LRRC49: variants seen among roughly 807,000 people sequenced by gnomAD.
LRRC49 encodes leucine rich repeat containing 49.
In LRRC49, 50 loss-of-function variants were observed where a neutral mutation model predicts 83.3. The ratio of observed to expected loss-of-function variants is 0.60; its 90% confidence interval spans 0.48 to 0.76. The LOEUF is 0.76. Among genes scored for constraint, LRRC49 ranks in the 30% least tolerant of loss-of-function variants. LRRC49 has a pLI of 0.00. For synonymous variants in LRRC49, 286 were observed against 283.3 expected (o/e 1.01, Z -0.10); for missense variants, 704 against 809.1 (o/e 0.87, Z 1.58).
intron 5 of LRRC49, among the ~76,000 whole-genome samples, chr15:70,910,724 T>C (rs1011808585): frequency 5.9e-5 from 9 of 152,218 alleles, no homozygotes; most frequent in African/African-American, 2.2e-4. Context: ...TTCATTTAGT[T>C]AGTATGTTCG....
chr15:71,034,436 G>A (rs562314889), intron 14 of LRRC49, among the ~76,000 whole-genome samples: 25 of 152,322 alleles, frequency 1.6e-4, no homozygotes, highest in African/African-American at 4.8e-4. Context: ...CTGTTAGTGG[G>A]AATGTAATTT....
chr15:70,876,460 T>C (rs547755970), intron 2 of LRRC49, among the ~76,000 whole-genome samples: 4 of 152,208 alleles, frequency 2.6e-5, no homozygotes, highest in Non-Finnish European at 4.4e-5. Context: ...GGGCTATGCA[T>C]GACATGCTTT....
At chr15:70,909,879 A>ACAC (rs765588937) in intron 5 of LRRC49, among the ~76,000 whole-genome samples, 8 of 76,940 alleles carry the variant, frequency 1.0e-4, no homozygotes, top group Non-Finnish European at 1.6e-4. Flanking sequence ...CACACACACA[A>ACAC]AACAAACAAA....
intron 8 of LRRC49, among the ~76,000 whole-genome samples, chr15:70,942,103 A>G (rs946893931): frequency 1.3e-5 from 2 of 151,490 alleles, no homozygotes; most frequent in Non-Finnish European, 2.9e-5. Context: ...TTCTAAAAAG[A>G]AGGCTTCTGG....
rs1596052609 is a variant in LRRC49, at chr15:70,946,485, T to C, written c.773+9663T>C. Among the ~76,000 whole-genome samples the C allele has an allele frequency of 2.6e-5, 4 of 152,262 alleles. No individual in the cohort carries two copies. In the South Asian group the frequency reaches 8.3e-4, roughly 32 times the overall value. Reference sequence around the variant, plus strand: ...ATATATACCACATTTTCTTTATCCATTCATTATTTAAAGATGCTTAGGTTG... The same window carrying C: ...ATATATACCACATTTTCTTTATCCACTCATTATTTAAAGATGCTTAGGTTG... On this transcript the variant is annotated intron_variant, in intron 8 of 15. Coordinates refer to ENST00000260382, the MANE Select transcript of LRRC49 (RefSeq NM_017691.5).
Position 70,905,224 on chromosome 15 carries a change from CT to C in LRRC49, c.500+473del. Among the ~76,000 whole-genome samples, 4 of 152,250 alleles carry C rather than the reference CT, an allele frequency of 2.6e-5. No individual in the cohort carries two copies. In the South Asian group the frequency reaches 8.3e-4, roughly 32 times the overall value. ...CATCCTATATGAACTTTCCCAGTTC[CT>C]TTTATACAACTCTATTCCGTAGTGC... On this transcript the variant is annotated intron_variant, in intron 5 of 15. Coordinates refer to ENST00000260382, the MANE Select transcript of LRRC49 (RefSeq NM_017691.5).
intron 8 of LRRC49, among the ~76,000 whole-genome samples, chr15:70,944,838 G>A (rs146743339): frequency 1.4e-4 from 21 of 152,182 alleles, no homozygotes; most frequent in African/African-American, 4.3e-4. Flanking sequence ...ACACAGAGTC[G>A]CCTCACACCT....
chr15:70,925,291 A>G (rs1170102679), intron 7 of LRRC49, among the ~76,000 whole-genome samples: 1 of 152,096 alleles, frequency 6.6e-6, no homozygotes, highest in Non-Finnish European at 1.5e-5. Context: ...GAAACATTCT[A>G]TTCAAAAAGT....
At chr15:70,925,361 T>C (rs577329907) in intron 7 of LRRC49, among the ~76,000 whole-genome samples, 2 of 152,250 alleles carry the variant, frequency 1.3e-5, no homozygotes, top group East Asian at 1.9e-4. Context: ...TTATTTTTCA[T>C]TGGAAGAATG....
At chr15:70,898,976 TGTA>T (rs945035311) in intron 3 of LRRC49, among the ~76,000 whole-genome samples, 1 of 152,172 alleles carries the variant, frequency 6.6e-6, no homozygotes, top group African/African-American at 2.4e-5. Flanking sequence ...AAGGTCTTGT[TGTA>T]TGGTAGATTT....
In LRRC49 at chr15:70,877,200, T is replaced by C. The variant is rs147475142; in HGVS notation, c.18+3977T>C. Among the ~76,000 whole-genome samples the C allele has an allele frequency of 2.1e-3, 325 of 152,346 alleles. 2 individuals are homozygous for C. Among genetic ancestry groups the C allele is most frequent in the African/African-American group, 7.4e-3 (306 of 41,586 alleles). On this transcript the variant is annotated intron_variant, in intron 2 of 16. Coordinates refer to the LRRC49 transcript ENST00000544974. The stretch of plus-strand genomic sequence containing the variant: ...CTTGAACTATCATTTGGCAAAATAA[T>C]AGTGTATTGCTTTTTCTTTAACATG...
intron 11 of LRRC49, among the ~76,000 whole-genome samples, chr15:71,007,900 C>T (rs1032462906): frequency 6.6e-6 from 1 of 150,980 alleles, no homozygotes; most frequent in African/African-American, 2.4e-5. Context: ...AGAGTTACCC[C>T]CTAATACAAC....
intron 1 of LRRC49, chr15:70,859,362 T>C: frequency 1.3e-6 from 1 of 772,342 alleles, no homozygotes; most frequent in Non-Finnish European, 2.4e-6. Flanking sequence ...CTGGAAGGGC[T>C]GACTGACGAG....
chr15:70,923,763 CT>C (rs2035091098), intron 7 of LRRC49, among the ~76,000 whole-genome samples: 1 of 151,802 alleles, frequency 6.6e-6, no homozygotes, highest in Non-Finnish European at 1.5e-5. Flanking sequence ...GCTACATCTG[CT>C]TTATCTTCTC....
chr15:70,892,139 T>C (rs2033603665), upstream of LRRC49: 1 of 1,613,608 alleles, frequency 6.2e-7, no homozygotes. Flanking sequence ...ATTGCCTCCG[T>C]ACCAGTCGGC....
chr15:70,870,619 T>C (rs1266509415), intron 1 of LRRC49, among the ~76,000 whole-genome samples: 1 of 152,160 alleles, frequency 6.6e-6, no homozygotes, highest in African/African-American at 2.4e-5. Flanking sequence ...GCCTCCCGAG[T>C]AGCTGGGATT....
At chr15:71,038,778 C>G (rs942576148) in intron 15 of LRRC49, among the ~76,000 whole-genome samples, 1 of 152,168 alleles carries the variant, frequency 6.6e-6, no homozygotes, top group African/African-American at 2.4e-5. Context: ...AAGAACAAGT[C>G]TGTTCCTTAT....
In LRRC49 at chr15:70,959,298, G is replaced by T. The variant is rs536217242; in HGVS notation, c.774-4487G>T. 1.3e-4 allele frequency among the ~76,000 whole-genome samples: 20 copies of T among 152,212 alleles called. No individual in the cohort carries two copies. In the South Asian group the frequency reaches 4.1e-3, roughly 32 times the overall value. ...ACCTGAGGTCAGGAGTTCAAGACCA[G>T]CCTGGCCATGGTGAAACCCTGTCTC... On this transcript the variant is annotated intron_variant, in intron 8 of 15. Coordinates refer to ENST00000260382, the MANE Select transcript of LRRC49 (RefSeq NM_017691.5).
intron 14 of LRRC49, among the ~76,000 whole-genome samples, chr15:71,013,892 C>T (rs933569673): frequency 2.6e-5 from 4 of 152,112 alleles, no homozygotes; most frequent in African/African-American, 9.7e-5. Flanking sequence ...AGACTGTTGT[C>T]CCAGCTGTGA....
Sources: gnomAD v4.1 joint callset for allele counts (sites outside exome capture counted in the v4.1 genomes callset) on GRCh38, gnomAD v4.1.1 for gene constraint, MANE v1.5 for transcripts, NCBI Gene and HGNC (gene_info 2026-07-23, HGNC 2026-07-21) for gene names.